DPP10: variants seen among roughly 807,000 people sequenced by gnomAD.
The protein encoded by DPP10 is inactive dipeptidyl peptidase 10.
DPP10 carries 33 observed loss-of-function variants against 120.9 expected under a neutral mutation model. That is an observed-to-expected ratio of 0.27 (90% CI 0.21 to 0.37). The LOEUF is 0.37. Ranked by LOEUF, DPP10 falls within the 10% of genes least tolerant of loss-of-function variation. The pLI is 1.00. For missense variants in DPP10, 816 were observed against 942.8 expected, an observed-to-expected ratio of 0.87 and a Z score of 1.76; for synonymous variants, 337 against 326.1, an observed-to-expected ratio of 1.03 and a Z score of -0.36.
intron 1 of DPP10, among the ~76,000 whole-genome samples, chr2:114,651,324 C>T (rs985436217): frequency 4.6e-5 from 7 of 152,238 alleles, no homozygotes; most frequent in East Asian, 1.9e-4. Context: ...CCAGGGTAAG[C>T]GCCAGACTTC....
rs141346101 is a variant in DPP10, at chr2:115,736,899, T to C, written c.698-2840T>C. Among the ~76,000 whole-genome samples, 698 of 152,276 alleles carry C rather than the reference T, an allele frequency of 4.6e-3. 10 individuals carry two copies. Among genetic ancestry groups the C allele is most frequent in the African/African-American group, 0.016 (676 of 41,572 alleles). On this transcript the variant is annotated intron_variant, in intron 8 of 25. Coordinates refer to ENST00000410059, the MANE Select transcript of DPP10 (RefSeq NM_020868.6). ...CCTCCCTGTCACTAGTTTTCTAATTTTACTTTTGCCACATCCCTGATAGGT... is the reference window on the plus strand; with the variant it reads ...CCTCCCTGTCACTAGTTTTCTAATTCTACTTTTGCCACATCCCTGATAGGT...
At chr2:115,454,463 A>G (rs1001078556) in intron 3 of DPP10, among the ~76,000 whole-genome samples, 2 of 151,780 alleles carry the variant, frequency 1.3e-5, no homozygotes, top group African/African-American at 4.8e-5. Flanking sequence ...ACATTATATT[A>G]ACAGAATAAA....
chr2:114,810,888 G>A (rs1345839587), intron 1 of DPP10, among the ~76,000 whole-genome samples: 1 of 152,184 alleles, frequency 6.6e-6, no homozygotes, highest in African/African-American at 2.4e-5. Flanking sequence ...AACTAGCCCT[G>A]CGGTTTTTCC....
intron 1 of DPP10, among the ~76,000 whole-genome samples, chr2:114,597,714 A>G (rs924014700): frequency 4.0e-5 from 6 of 151,858 alleles, no homozygotes; most frequent in African/African-American, 1.5e-4. Context: ...AAGGTAGAGA[A>G]AAGTGTTTGT....
At position 114,483,904 on chromosome 2, in the gene DPP10, C is replaced by T. The variant is rs143875727; in HGVS notation, c.60+41066C>T. 1.6e-4 allele frequency among the ~76,000 whole-genome samples: 24 copies of T among 152,266 alleles called. No homozygotes were observed. The East Asian group carries it at 2.3e-3, about 15-fold the overall frequency. ...TATCGTAGAATCATCTGGAGCTGAG[C>T]GGTGGCACTGTCATTTTGTCATACT... is the stretch of plus-strand genomic sequence containing the variant. On this transcript the variant is annotated intron_variant, in intron 1 of 25. Coordinates refer to ENST00000410059, the MANE Select transcript of DPP10 (RefSeq NM_020868.6).
At chr2:115,699,029 A>AC (rs1366884844) in intron 7 of DPP10, among the ~76,000 whole-genome samples, 6 of 33,474 alleles carry the variant, frequency 1.8e-4, no homozygotes, top group Admixed American at 5.1e-4. Flanking sequence ...ACTGAAAAAA[A>AC]AAAAAACAAA....
In DPP10 at chr2:115,143,669, C is replaced by T. The variant is rs982415380; in HGVS notation, c.61-165570C>T. On this transcript the variant is annotated intron_variant, in intron 1 of 25. Transcript: ENST00000410059. ...GTGGGCTTGATCTTGCTGAGGATGG[C>T]CATGCCTCAACAGATTTTAGTCTCC... Among the ~76,000 whole-genome samples the T allele has an allele frequency of 3.3e-5, 5 of 152,112 alleles. No individual in the cohort carries two copies. The South Asian group carries it at 1.0e-3, about 32-fold the overall frequency.
chr2:115,796,574 T>C (rs10191969), intron 19 of DPP10, among the ~76,000 whole-genome samples: 6,033 of 152,218 alleles, frequency 0.04, 412 homozygotes, highest in African/African-American at 0.14. Flanking sequence ...CTCTGCAATT[T>C]AGTTTTGTAC....
At chr2:114,588,970 A>G (rs1397022607) in intron 1 of DPP10, among the ~76,000 whole-genome samples, 2 of 145,804 alleles carry the variant, frequency 1.4e-5, no homozygotes, top group Non-Finnish European at 3.0e-5. Context: ...AAACTATGGC[A>G]CTAGATGTTA....
intron 1 of DPP10, among the ~76,000 whole-genome samples, chr2:114,990,296 G>A (rs1258769351): frequency 2.0e-5 from 3 of 152,056 alleles, no homozygotes; most frequent in Non-Finnish European, 4.4e-5. Flanking sequence ...TAGAAACAAG[G>A]AGATCCTAAG....
chr2:114,989,928 C>A (rs1398146275), intron 1 of DPP10, among the ~76,000 whole-genome samples: 1 of 152,100 alleles, frequency 6.6e-6, no homozygotes, highest in Admixed American at 6.6e-5. Context: ...TCTATTCATT[C>A]CTAGTACTAA....
chr2:115,758,765 A>G (rs1029456220), intron 11 of DPP10, among the ~76,000 whole-genome samples: 8 of 152,178 alleles, frequency 5.3e-5, no homozygotes, highest in Non-Finnish European at 1.0e-4. Flanking sequence ...GGTCAACTAA[A>G]TTGAATGGTT....
intron 3 of DPP10, among the ~76,000 whole-genome samples, chr2:115,382,426 G>C (rs1405793205): frequency 6.6e-6 from 1 of 152,192 alleles, no homozygotes; most frequent in Admixed American, 6.5e-5. Flanking sequence ...CTCGCGCACA[G>C]TGCGCGCACC....
intron 1 of DPP10, among the ~76,000 whole-genome samples, chr2:114,484,400 G>A: frequency 6.6e-6 from 1 of 152,072 alleles, no homozygotes; most frequent in Non-Finnish European, 1.5e-5. Context: ...ATTTAATTAG[G>A]TGAGAAGTTT....
At chr2:115,565,978 G>A (rs369967835) in intron 5 of DPP10, among the ~76,000 whole-genome samples, 25 of 151,820 alleles carry the variant, frequency 1.6e-4, no homozygotes, top group African/African-American at 6.0e-4. Context: ...GTAGAGACGG[G>A]GTTTCACCAT....
chr2:115,676,066 TC>T (rs1386228644), intron 5 of DPP10, among the ~76,000 whole-genome samples: 8 of 152,196 alleles, frequency 5.3e-5, no homozygotes, highest in African/African-American at 1.9e-4. Context: ...ACATGCATAT[TC>T]CCCAGAGCCT....
At chr2:114,562,657 A>G (rs1324998770) in intron 1 of DPP10, among the ~76,000 whole-genome samples, 1 of 152,222 alleles carries the variant, frequency 6.6e-6, no homozygotes, top group East Asian at 1.9e-4. Context: ...AAATAGCTAT[A>G]GTTTGTGCAT....
At chr2:115,507,570 A>G (rs776892790) in intron 4 of DPP10, among the ~76,000 whole-genome samples, 1 of 152,148 alleles carries the variant, frequency 6.6e-6, no homozygotes, top group African/African-American at 2.4e-5. Context: ...GGTTCAAACT[A>G]TATAGATCTA....
chr2:115,040,129 T>A (rs987799374), intron 1 of DPP10, among the ~76,000 whole-genome samples: 13 of 152,092 alleles, frequency 8.5e-5, no homozygotes, highest in African/African-American at 2.7e-4. Flanking sequence ...GATTAAGCCA[T>A]CCAATTAGCC....
Sources: allele counts gnomAD v4.1 joint callset (sites outside exome capture counted in the v4.1 genomes callset), GRCh38; gene constraint gnomAD v4.1.1; transcripts MANE v1.5; gene names NCBI Gene and HGNC (gene_info 2026-07-23, HGNC 2026-07-21).